TRIOBP: variants seen among roughly 807,000 people sequenced by gnomAD.
TRIOBP encodes TRIO and F-actin-binding protein.
TRIOBP carries 169 observed loss-of-function variants against 238.8 expected under a neutral mutation model. That is an observed-to-expected ratio of 0.71 (90% CI 0.62 to 0.80). The LOEUF (loss-of-function observed/expected upper bound fraction) is 0.80, where lower values mean the gene tolerates loss of function less well. TRIOBP is among the 30% of genes least tolerant of loss of function. TRIOBP has a pLI of 0.00. For missense variants in TRIOBP, 2,838 were observed against 3,122.6 expected, an observed-to-expected ratio of 0.91 and a Z score of 2.17; for synonymous variants, 1,150 against 1,274.4, an observed-to-expected ratio of 0.90 and a Z score of 2.08.
chr22:37,719,375 G>A (rs1016166780), intron 6 of TRIOBP, among the ~76,000 whole-genome samples: 5 of 152,020 alleles, frequency 3.3e-5, no homozygotes, highest in African/African-American at 4.8e-5. Context: ...CCTTTGCTGA[G>A]AGCAGGTGGC....
At chr22:37,721,727 C>T (rs2145830734) in intron 6 of TRIOBP, among the ~76,000 whole-genome samples, 1 of 152,314 alleles carries the variant, frequency 6.6e-6, no homozygotes, top group South Asian at 2.1e-4. Context: ...GTGATCCTCC[C>T]ACCTTGGCCT....
chr22:37,743,803 GT>G (rs1925062291), intron 11 of TRIOBP, among the ~76,000 whole-genome samples: 1 of 46,404 alleles, frequency 2.2e-5, no homozygotes, highest in African/African-American at 1.4e-4. Context: ...GAGAGAGAAT[GT>G]GTGTGTGTGT....
intron 11 of TRIOBP, chr22:37,746,431 C>T (rs1472947552): frequency 2.1e-6 from 3 of 1,425,096 alleles, no homozygotes; most frequent in East Asian, 3.1e-5. Flanking sequence ...GTGAGTGCCC[C>T]AGTCAGCCGC....
intron 3 of TRIOBP, among the ~76,000 whole-genome samples, chr22:37,706,791 G>C (rs1922964020): frequency 6.7e-6 from 1 of 148,952 alleles, no homozygotes; most frequent in African/African-American, 2.5e-5. Flanking sequence ...AAAAAGATCA[G>C]AGAGGGGCAC....
intron 7 of TRIOBP, among the ~76,000 whole-genome samples, chr22:37,726,825 A>G (rs891163203): frequency 5.3e-5 from 8 of 152,152 alleles, no homozygotes; most frequent in Non-Finnish European, 1.2e-4. Context: ...AACCTACCTG[A>G]GCCTCAGTTT....
Position 37,734,832 on chromosome 22 carries a change from C to T in TRIOBP, c.4496C>T (p.Thr1499Ile), listed in dbSNP as rs367798389. ...CCAGAGGCCTGGGAGGAGAAGCCCACTCATGAGCTCCCCAGAGAACTAGGA... is the reference window on the plus strand; with the variant it reads ...CCAGAGGCCTGGGAGGAGAAGCCCATTCATGAGCTCCCCAGAGAACTAGGA... ...GQPEAWEEKP[T>I]HELPRELGKR... Residue 1499 changes from threonine to isoleucine, a missense_variant, in exon 9 of 24, where the codon ACT (threonine) becomes ATT (isoleucine). Around this residue, in one of 5 missense-constraint regions of TRIOBP, gnomAD observed 2,096 missense variants for 2,137.4 expected, o/e 0.98. Coordinates refer to ENST00000644935, the MANE Select transcript of TRIOBP (RefSeq NM_001039141.3). 1 of 1,612,682 alleles carries T rather than the reference C, an allele frequency of 6.2e-7. No homozygotes were observed. The highest frequency in any genetic ancestry group is 8.5e-7 in the Non-Finnish European group (1 of 1,179,908).
Position 37,724,582 on chromosome 22 carries a change from T to C in TRIOBP, c.2026T>C (p.Cys676Arg), listed in dbSNP as rs760301142. 6.2e-6 allele frequency: 10 copies of C among 1,609,410 alleles called. No homozygotes were observed. In the Admixed American group the frequency reaches 1.7e-4, roughly 27 times the overall value. Residue 676 changes from cysteine (C) to arginine (R), a missense_variant, in exon 7 of 24, where the codon TGT becomes CGT. By Grantham distance (180) the Cys-to-Arg change is radical. Transcript: ENST00000644935. ...TIQQENPRTS[C>R]ALRDNPRASS... ...CCAACAAGAGAACCCCAGAACATCC[T>C]GTGCCCTACGGGACAATCCCAGAGC...
intron 22 of TRIOBP, among the ~76,000 whole-genome samples, chr22:37,772,179 C>T (rs1283097943): frequency 6.6e-6 from 1 of 152,170 alleles, no homozygotes; most frequent in Non-Finnish European, 1.5e-5. Context: ...GCTGCTATGT[C>T]ACTGCCTGGT....
rs375192209 is a variant in TRIOBP at position 37,757,870 on chromosome 22, G to C, written c.5945G>C (p.Arg1982Pro). 1.9e-6 allele frequency: 3 copies of C among 1,552,732 alleles called. No homozygotes were observed. Among genetic ancestry groups the C allele is most frequent in the Non-Finnish European group, 1.7e-6 (2 of 1,148,324 alleles). ...QEELERDLAQ[R>P]SEERRKWFEA... is the part of the protein sequence containing the mutation. Reference sequence around the variant, plus strand: ...GAGCTGGAGCGGGACCTGGCCCAGCGCTCCGAGGAGCGGCGCAAGTGGTTT... The same window carrying C: ...GAGCTGGAGCGGGACCTGGCCCAGCCCTCCGAGGAGCGGCGCAAGTGGTTT... Residue 1982 changes from arginine (R) to proline (P), a missense_variant, in exon 16 of 24, where the codon CGC becomes CCC. Physicochemically the swap from Arg to Pro is moderately radical, Grantham distance 103 (BLOSUM62 -2). Around this residue, in one of 5 missense-constraint regions of TRIOBP, gnomAD observed 2,096 missense variants for 2,137.4 expected, o/e 0.98. Transcript: ENST00000644935.
At chr22:37,732,894 G>A (rs1924494265) in intron 7 of TRIOBP, among the ~76,000 whole-genome samples, 1 of 152,210 alleles carries the variant, frequency 6.6e-6, no homozygotes, top group Non-Finnish European at 1.5e-5. Context: ...TACACAGTAG[G>A]TGCTCAATAA....
At position 37,725,376 on chromosome 22, in the gene TRIOBP, GCCAAC is replaced by G; in HGVS notation, c.2825_2829del (p.Thr942ArgfsTer2). On this transcript the variant is annotated frameshift_variant, in exon 7 of 24. Transcript: ENST00000644935. LOFTEE classifies it high-confidence loss of function. ...TTCCCTGGGCATCCATCGCCCTCCG[GCCAAC>G]CCAAGGTGACAGGCCTCAGACATCC... The G allele has an allele frequency of 6.2e-7, 1 of 1,612,218 alleles. No homozygotes were observed. Among genetic ancestry groups the G allele is most frequent in the Non-Finnish European group, 8.5e-7 (1 of 1,178,886 alleles).
chr22:37,737,585 CG>C (rs1924732461), intron 9 of TRIOBP, among the ~76,000 whole-genome samples: 1 of 145,694 alleles, frequency 6.9e-6, no homozygotes, highest in Non-Finnish European at 1.5e-5. Flanking sequence ...GGTGTGAACC[CG>C]GGAGGTGGAA....
chr22:37,755,515 C>T, intron 14 of TRIOBP, 35 bp from the exon 15 acceptor site: 1 of 1,585,496 alleles, frequency 6.3e-7, no homozygotes, highest in Non-Finnish European at 8.7e-7. Flanking sequence ...ATGCGGCTGG[C>T]CATGTGGCAA....
At chr22:37,713,108 G>A (rs13055217) in intron 4 of TRIOBP, 102 bp from the exon 5 acceptor site, 34 of 1,061,498 alleles carry the variant, frequency 3.2e-5, no homozygotes, top group East Asian at 1.0e-4. Context: ...CCACACCAGC[G>A]TGTGGGCCCC....
intron 11 of TRIOBP, chr22:37,751,362 C>A: frequency 2.9e-6 from 1 of 339,032 alleles, no homozygotes; most frequent in Non-Finnish European, 5.8e-6. Context: ...ACTTGGTCCT[C>A]GTCAGAGGGA....
rs755039595 is a variant in TRIOBP at position 37,699,563 on chromosome 22, CAG to C, written c.-60-1740_-60-1739del. ...GGGGAATCACTTTTTTTTTTTAAGA[CAG>C]AGTCTCACTCTTATCACCCAGGCTG... On this transcript the variant is annotated intron_variant, in intron 2 of 23. Coordinates refer to ENST00000644935, the MANE Select transcript of TRIOBP (RefSeq NM_001039141.3). Among the ~76,000 whole-genome samples the C allele has an allele frequency of 6.7e-4, 100 of 149,992 alleles. 1 individual carries two copies. The highest frequency in any genetic ancestry group is 1.1e-3 in the Non-Finnish European group (78 of 67,926).
chr22:37,705,316 A>C (rs984758656), intron 3 of TRIOBP, among the ~76,000 whole-genome samples: 1 of 150,352 alleles, frequency 6.7e-6, no homozygotes, highest in Non-Finnish European at 1.5e-5. Context: ...CAGAGGTTGC[A>C]GTGAGCCAAG....
At chr22:37,704,922 AAT>A (rs1419198742) in intron 3 of TRIOBP, among the ~76,000 whole-genome samples, 2 of 149,800 alleles carry the variant, frequency 1.3e-5, no homozygotes, top group African/African-American at 2.5e-5. Flanking sequence ...AAAAAAAAAA[AAT>A]TAGCCAGGCA....
At chr22:37,704,471 G>A (rs1922831464) in intron 3 of TRIOBP, among the ~76,000 whole-genome samples, 1 of 146,440 alleles carries the variant, frequency 6.8e-6, no homozygotes, top group African/African-American at 2.6e-5. Flanking sequence ...GGGGAAGGGG[G>A]AGGGGAAGGG....
Sources: gnomAD v4.1 joint callset for allele counts (sites outside exome capture counted in the v4.1 genomes callset) on GRCh38, gnomAD v4.1.1 for gene constraint, gnomAD v4.1.1 regional missense constraint, MANE v1.5 for transcripts, NCBI Gene and HGNC (gene_info 2026-07-23, HGNC 2026-07-21) for gene names.